The following PARM1 variants were observed in gnomAD, a reference collection of about 807,000 sequenced individuals.
PARM1 encodes WSC4, cell wall integrity and stress response component 4 homolog.
A neutral mutation model predicts 24.6 loss-of-function variants in PARM1; 14 were observed. That is an observed-to-expected ratio of 0.57 (90% CI 0.38 to 0.89). The LOEUF is 0.89. Among genes scored for constraint, PARM1 ranks in the 40% least tolerant of loss-of-function variants. PARM1 has a pLI of 0.00. For missense variants in PARM1, 362 were observed against 380.4 expected, an observed-to-expected ratio of 0.95 and a Z score of 0.40; for synonymous variants, 179 against 156.6, an observed-to-expected ratio of 1.14 and a Z score of -1.07.
chr4:75,044,194 C>T (rs1317242334), intron 3 of PARM1, among the ~76,000 whole-genome samples: 1 of 152,176 alleles, frequency 6.6e-6, no homozygotes, highest in East Asian at 1.9e-4. Flanking sequence ...TTAATTTTCA[C>T]ATCTAGCTGA....
intron 3 of PARM1, among the ~76,000 whole-genome samples, chr4:75,042,875 C>T (rs1723524790): frequency 6.6e-6 from 1 of 151,398 alleles, no homozygotes; most frequent in Admixed American, 6.6e-5. Context: ...AATTTTGGTT[C>T]ATCCATATCT....
chr4:75,043,641 T>C (rs1325387180), intron 3 of PARM1, among the ~76,000 whole-genome samples: 1 of 152,238 alleles, frequency 6.6e-6, no homozygotes, highest in Non-Finnish European at 1.5e-5. Context: ...CAGTAAGTTA[T>C]GCTGAAATTT....
At chr4:74,971,407 C>T (rs1402756197) in intron 1 of PARM1, among the ~76,000 whole-genome samples, 1 of 152,146 alleles carries the variant, frequency 6.6e-6, no homozygotes, top group African/African-American at 2.4e-5. Flanking sequence ...AGTTATAATT[C>T]AAGATGAGTT....
chr4:74,933,351 T>A lies in PARM1; in HGVS notation c.24T>A (p.Ala8=), dbSNP rs777449503. Residue 8 remains alanine (A), a synonymous_variant, in exon 1 of 4, where the codon GCT becomes GCA. Transcript: ENST00000307428. Reference sequence around the variant, plus strand: ...CCATGGTCTACAAGACTCTCTTCGCTCTTTGCATCTTAACTGCAGGTAATT... The same window carrying A: ...CCATGGTCTACAAGACTCTCTTCGCACTTTGCATCTTAACTGCAGGTAATT... MVYKTLF[A]LCILTAGWRV... 1 of 1,612,850 alleles carries A rather than the reference T, an allele frequency of 6.2e-7. No homozygotes were observed. The highest frequency in any genetic ancestry group is 1.1e-5 in the South Asian group (1 of 90,852).
At chr4:74,962,394 C>A (rs959457816) in intron 1 of PARM1, among the ~76,000 whole-genome samples, 4 of 151,520 alleles carry the variant, frequency 2.6e-5, no homozygotes, top group Non-Finnish European at 5.9e-5. Flanking sequence ...AAATGAGGAA[C>A]AAAAAAAGCT....
chr4:74,991,518 G>A (rs1722465977), intron 1 of PARM1, among the ~76,000 whole-genome samples: 1 of 152,112 alleles, frequency 6.6e-6, no homozygotes, highest in Non-Finnish European at 1.5e-5. Flanking sequence ...GAGATGCAGA[G>A]AGAGAGAGAG....
At chr4:74,964,088 G>T (rs1043425504) in intron 1 of PARM1, among the ~76,000 whole-genome samples, 3 of 152,208 alleles carry the variant, frequency 2.0e-5, no homozygotes, top group African/African-American at 4.8e-5. Context: ...GACACTGAAA[G>T]TTTGCTGCCT....
chr4:74,983,003 A>G (rs1239344761), intron 1 of PARM1, among the ~76,000 whole-genome samples: 1 of 152,168 alleles, frequency 6.6e-6, no homozygotes, highest in Admixed American at 6.5e-5. Flanking sequence ...GCCTTACCTC[A>G]CCACTGACAT....
chr4:74,970,562 C>G (rs1371869689), intron 1 of PARM1, among the ~76,000 whole-genome samples: 2 of 152,214 alleles, frequency 1.3e-5, no homozygotes, highest in Admixed American at 6.5e-5. Flanking sequence ...TCCAGTAAGT[C>G]TAGATTGAGT....
At chr4:74,996,648 G>T (rs1371053741) in intron 1 of PARM1, among the ~76,000 whole-genome samples, 1 of 152,130 alleles carries the variant, frequency 6.6e-6, no homozygotes, top group Non-Finnish European at 1.5e-5. Flanking sequence ...CTAATTCCTG[G>T]AGATTTTACC....
At chr4:74,987,239 C>T (rs140026662) in intron 1 of PARM1, among the ~76,000 whole-genome samples, 2 of 152,046 alleles carry the variant, frequency 1.3e-5, no homozygotes, top group African/African-American at 2.4e-5. Context: ...GAATCTGGTC[C>T]GGCACTGGTA....
chr4:75,005,906 G>C (rs998607690), intron 1 of PARM1, among the ~76,000 whole-genome samples: 2 of 152,208 alleles, frequency 1.3e-5, no homozygotes, highest in African/African-American at 4.8e-5. Flanking sequence ...AAGTCTAAGA[G>C]ATGCCCTTCC....
At chr4:74,942,878 C>T (rs989759110) in intron 1 of PARM1, among the ~76,000 whole-genome samples, 1 of 152,110 alleles carries the variant, frequency 6.6e-6, no homozygotes, top group African/African-American at 2.4e-5. Context: ...CCTCTTTGTT[C>T]TTAGAGTAAA....
chr4:74,961,620 A>G (rs1721776346), intron 1 of PARM1, among the ~76,000 whole-genome samples: 1 of 152,230 alleles, frequency 6.6e-6, no homozygotes, highest in Non-Finnish European at 1.5e-5. Context: ...CATATTTTTC[A>G]TTCTAAACTT....
chr4:74,971,211 C>T (rs779125901), intron 1 of PARM1, among the ~76,000 whole-genome samples: 16 of 152,084 alleles, frequency 1.1e-4, no homozygotes, highest in Non-Finnish European at 2.1e-4. Flanking sequence ...TGGCAGAAGG[C>T]GAAGGAGCAA....
intron 2 of PARM1, among the ~76,000 whole-genome samples, chr4:75,022,889 A>G (rs1349651700): frequency 1.3e-5 from 2 of 152,222 alleles, no homozygotes; most frequent in African/African-American, 4.8e-5. Context: ...GGAATATTGC[A>G]TTAGGAGTGC....
intron 1 of PARM1, among the ~76,000 whole-genome samples, chr4:74,964,330 A>T (rs1721852997): frequency 6.6e-6 from 1 of 152,188 alleles, no homozygotes; most frequent in South Asian, 2.1e-4. Flanking sequence ...ATGATTGATG[A>T]GGTCACATTA....
intron 1 of PARM1, among the ~76,000 whole-genome samples, chr4:74,934,791 C>T (rs993721323): frequency 2.0e-5 from 3 of 152,176 alleles, no homozygotes; most frequent in Non-Finnish European, 4.4e-5. Context: ...CTTTACTTCT[C>T]CTCACTCAAA....
At chr4:74,977,010 T>C (rs1255451876) in intron 1 of PARM1, among the ~76,000 whole-genome samples, 1 of 152,144 alleles carries the variant, frequency 6.6e-6, no homozygotes, top group Non-Finnish European at 1.5e-5. Context: ...AAAAAATGAA[T>C]GCAAGAATAC....
Sources: gnomAD v4.1 joint callset for allele counts (sites outside exome capture counted in the v4.1 genomes callset) on GRCh38, gnomAD v4.1.1 for gene constraint, MANE v1.5 for transcripts, NCBI Gene and HGNC (gene_info 2026-07-23, HGNC 2026-07-21) for gene names.